The following FAT3 variants were observed in gnomAD, a reference collection of about 807,000 sequenced individuals.
FAT3 encodes FAT atypical cadherin 3, also known as protocadherin Fat 3.
In FAT3, 95 loss-of-function variants were observed where a neutral mutation model predicts 310.2. The observed-to-expected ratio is 0.31, with a 90% CI of 0.26 to 0.36. FAT3 has a LOEUF of 0.36. FAT3 is among the 10% of genes least tolerant of loss of function. The pLI is 1.00. For synonymous variants in FAT3, 2,314 were observed against 2,192.9 expected (o/e 1.06, Z -1.54); for missense variants, 5,408 against 5,715.6 (o/e 0.95, Z 1.74).
rs1168085335 is a variant in FAT3 at position 92,315,479 on chromosome 11, GTATATATA to G, written c.-17-36590_-17-36583del. 4.8e-3 allele frequency among the ~76,000 whole-genome samples: 314 copies of G among 65,152 alleles called. 5 individuals carry two copies. The highest frequency in any genetic ancestry group is 0.014 in the African/African-American group (278 of 20,476). 42.7% of individuals were successfully genotyped at this position (65,152 alleles called of 152,430 possible). A position where few individuals can be genotyped will look rare whatever the true frequency, so the allele number is the denominator to read the frequency against. On this transcript the variant is annotated intron_variant, in intron 1 of 27. Transcript: ENST00000525166. ...TATGTGTGTGTGTGTGTGTGTGTGT[GTATATATA>G]TATATATATATATATATATATATAT...
chr11:92,664,342 G>A (rs1942888578), intron 3 of FAT3, among the ~76,000 whole-genome samples: 1 of 152,212 alleles, frequency 6.6e-6, no homozygotes, highest in Admixed American at 6.5e-5. Context: ...CTTGAAGGCA[G>A]TGATGGTCTC....
intron 9 of FAT3, among the ~76,000 whole-genome samples, chr11:92,796,742 C>A (rs1476509542): frequency 6.6e-6 from 1 of 152,200 alleles, no homozygotes; most frequent in Admixed American, 6.5e-5. Context: ...CTTCACACTA[C>A]CCACTGCCTT....
chr11:92,338,379 C>A (rs1355393308), intron 1 of FAT3, among the ~76,000 whole-genome samples: 1 of 152,080 alleles, frequency 6.6e-6, no homozygotes, highest in African/African-American at 2.4e-5. Flanking sequence ...ATTTCCTTTG[C>A]AGAAGCTGTT....
chr11:92,618,378 T>C (rs373188816), intron 3 of FAT3, among the ~76,000 whole-genome samples: 13 of 152,260 alleles, frequency 8.5e-5, no homozygotes, highest in East Asian at 7.8e-4. Flanking sequence ...ATACCATCTG[T>C]CATGGCTTTC....
chr11:92,889,710 A>G, intron 26 of FAT3, 146 bp from the exon 27 acceptor site: 1 of 623,728 alleles, frequency 1.6e-6, no homozygotes, highest in Non-Finnish European at 3.0e-6. Flanking sequence ...CTAAATAACA[A>G]TGGGAAGAAA....
Position 92,866,786 on chromosome 11 carries a change from C to T in FAT3, c.11704C>T (p.Pro3902Ser), listed in dbSNP as rs747526966. 1 of 1,613,808 alleles carries T rather than the reference C, an allele frequency of 6.2e-7. No individual in the cohort carries two copies. The highest frequency in any genetic ancestry group is 8.5e-7 in the Non-Finnish European group (1 of 1,179,874). ...LWFQLDCGSGPGILGISGRAV... is the reference protein window; with the variant it reads ...LWFQLDCGSGSGILGISGRAV... ...GTTCCAGCTGGACTGCGGCAGCGGC[C>T]CTGGAATCTTGGGCATCTCGGGCCG... The change falls in exon 22 of 28, where the codon CCT becomes TCT. Residue 3902 changes from proline (P) to serine (S), a missense_variant. Pro to Ser is a moderately conservative substitution (Grantham distance 74, BLOSUM62 -1). This residue lies in a region of FAT3 where 4,588 missense variants were observed against 4,809.8 expected (regional missense o/e 0.95). Coordinates refer to ENST00000525166, the MANE Select transcript of FAT3 (RefSeq NM_001367949.2).
At chr11:92,248,583 A>G (rs1453798320) in intron 1 of FAT3, among the ~76,000 whole-genome samples, 2 of 152,100 alleles carry the variant, frequency 1.3e-5, no homozygotes, top group South Asian at 2.1e-4. Flanking sequence ...GAGAATGCAA[A>G]CATTAAGAAA....
At chr11:92,538,062 T>C (rs1357067931) in intron 3 of FAT3, among the ~76,000 whole-genome samples, 3 of 152,184 alleles carry the variant, frequency 2.0e-5, no homozygotes, top group African/African-American at 7.2e-5. Context: ...AAATCTAAAA[T>C]GTCATGATCT....
intron 3 of FAT3, among the ~76,000 whole-genome samples, chr11:92,596,033 A>T (rs570115541): frequency 2.0e-5 from 3 of 152,188 alleles, no homozygotes; most frequent in African/African-American, 4.8e-5. Context: ...AGCTAGTTGG[A>T]TCAAGAAAGT....
chr11:92,584,135 C>A (rs1938999976), intron 3 of FAT3, among the ~76,000 whole-genome samples: 1 of 151,936 alleles, frequency 6.6e-6, no homozygotes, highest in Non-Finnish European at 1.5e-5. Flanking sequence ...AGTAACATGT[C>A]TTGGATCTTT....
chr11:92,686,309 C>A (rs1487399585), intron 3 of FAT3, among the ~76,000 whole-genome samples: 1 of 152,170 alleles, frequency 6.6e-6, no homozygotes, highest in East Asian at 1.9e-4. Context: ...TGTTGCCAAA[C>A]AAAAGACCTG....
At chr11:92,500,737 G>C (rs1383770852) in intron 2 of FAT3, among the ~76,000 whole-genome samples, 1 of 151,976 alleles carries the variant, frequency 6.6e-6, no homozygotes, top group African/African-American at 2.4e-5. Flanking sequence ...TATTAGAGTT[G>C]TGGAAAAGGA....
chr11:92,407,598 C>T (rs565595361), intron 2 of FAT3, among the ~76,000 whole-genome samples: 6 of 152,022 alleles, frequency 3.9e-5, no homozygotes, highest in Admixed American at 2.0e-4. Flanking sequence ...TAGTCAAGAC[C>T]GATCAGACTG....
rs558553049 is a variant in FAT3, at chr11:92,399,804, T to C, written c.3292+44400T>C. 2.6e-5 allele frequency among the ~76,000 whole-genome samples: 4 copies of C among 152,292 alleles called. 1 individual carries two copies. The South Asian group carries it at 8.3e-4, about 32-fold the overall frequency. ...AATCAGTTGTCAGCCACAGACAGCCTAGATGTTTTAGGAGACCCTTGTGTA... is the reference window on the plus strand; with the variant it reads ...AATCAGTTGTCAGCCACAGACAGCCCAGATGTTTTAGGAGACCCTTGTGTA... On this transcript the variant is annotated intron_variant, in intron 2 of 27. Transcript: ENST00000525166.
At chr11:92,607,791 T>G (rs1383499842) in intron 3 of FAT3, among the ~76,000 whole-genome samples, 1 of 152,206 alleles carries the variant, frequency 6.6e-6, no homozygotes, top group African/African-American at 2.4e-5. Context: ...TCATTTACCT[T>G]TAAAACGGAA....
chr11:92,866,724 G>C lies in FAT3; in HGVS notation c.11659-17G>C, dbSNP rs1378678750. The stretch of plus-strand genomic sequence containing the variant: ...GTTGCATGTTGAAAAGTGCTGCACT[G>C]TTCCTTCCCCACGCAGATTGTGGAT... On this transcript the variant is annotated splice_polypyrimidine_tract_variant and intron_variant, in intron 21 of 27. Coordinates refer to ENST00000525166, the MANE Select transcript of FAT3 (RefSeq NM_001367949.2). The C allele has an allele frequency of 6.2e-7, 1 of 1,607,098 alleles. No homozygotes were observed. The highest frequency in any genetic ancestry group is 1.3e-5 in the African/African-American group (1 of 74,872).
chr11:92,519,747 A>C (rs1953619840), intron 2 of FAT3, among the ~76,000 whole-genome samples: 1 of 152,134 alleles, frequency 6.6e-6, no homozygotes, highest in Non-Finnish European at 1.5e-5. Context: ...TAGAGAAGAT[A>C]TTCAGGTGAA....
chr11:92,889,948 T>A, intron 27 of FAT3, 57 bp downstream of exon 27: 7 of 717,782 alleles, frequency 9.8e-6, no homozygotes, highest in Non-Finnish European at 1.8e-5. Flanking sequence ...AATTGCTGAG[T>A]TCATTCTTAC....
rs71305390 is a variant in FAT3 at position 92,755,215 on chromosome 11, T to TTTTGTTTGTTTGTTTGTTTG, written c.3670-6637_3670-6618dup. 9.9e-5 allele frequency among the ~76,000 whole-genome samples: 15 copies of TTTTGTTTGTTTGTTTGTTTG among 151,434 alleles called. 1 individual carries two copies. The highest frequency in any genetic ancestry group is 4.2e-4 in the South Asian group (2 of 4,764). On this transcript the variant is annotated intron_variant, in intron 4 of 27. Transcript: ENST00000525166. Reference sequence around the variant, plus strand: ...ACTTTAAAATTGCTAAGAGAGTAGTTTTTGTTTGTTTGTTTGTTTGTTTTT... The same window carrying TTTTGTTTGTTTGTTTGTTTG: ...ACTTTAAAATTGCTAAGAGAGTAGTTTTTGTTTGTTTGTTTGTTTGTTTGTTTGTTTGTTTGTTTGTTTTT...
Sources: gnomAD v4.1 joint callset for allele counts (sites outside exome capture counted in the v4.1 genomes callset) on GRCh38, gnomAD v4.1.1 for gene constraint, gnomAD v4.1.1 regional missense constraint, MANE v1.5 for transcripts, NCBI Gene and HGNC (gene_info 2026-07-23, HGNC 2026-07-21) for gene names.